Variants in CEP170 observed in about 807,000 individuals in gnomAD.
CEP170 encodes centrosomal protein 170.
A neutral mutation model predicts 151.9 loss-of-function variants in CEP170; 21 were observed. The ratio of observed to expected loss-of-function variants is 0.14; its 90% CI spans 0.10 to 0.20. CEP170 has a LOEUF of 0.20. Ranked by LOEUF, CEP170 falls within the 10% of genes least tolerant of loss-of-function variation. The pLI is 1.00. For missense variants in CEP170, 964 were observed against 1,892.9 expected (o/e 0.51, Z 9.11); for synonymous variants, 356 against 648.8 (o/e 0.55, Z 6.86).
chr1:243,191,677 C>T lies in CEP170; in HGVS notation c.632-183G>A, dbSNP rs534694613. Among the ~76,000 whole-genome samples, 132 of 152,080 alleles carry T rather than the reference C, an allele frequency of 8.7e-4. 1 individual carries two copies. The highest frequency in any genetic ancestry group is 2.9e-3 in the African/African-American group (122 of 41,470). On this transcript the variant is annotated intron_variant, in intron 7 of 19. Transcript: ENST00000366542. ...GAGAAGAAAGAATCTTGATTATAAA[C>T]ATGCGATTTGATTACCAATAGGGGA...
intron 1 of CEP170, among the ~76,000 whole-genome samples, chr1:243,231,901 C>T (rs2063795809): frequency 6.6e-6 from 1 of 152,068 alleles, no homozygotes; most frequent in Non-Finnish European, 1.5e-5. Flanking sequence ...CTAAAGCAAA[C>T]CCCCAAATTC....
chr1:243,176,468 C>A (rs2148653847), intron 10 of CEP170, among the ~76,000 whole-genome samples: 1 of 75,188 alleles, frequency 1.3e-5, no homozygotes, highest in East Asian at 4.2e-4. Flanking sequence ...CTACAGTTCC[C>A]CCGATCCGAG....
At chr1:243,160,125 A>G (rs1242825164) in intron 13 of CEP170, among the ~76,000 whole-genome samples, 1 of 152,156 alleles carries the variant, frequency 6.6e-6, no homozygotes, top group African/African-American at 2.4e-5. Flanking sequence ...TTTCTCATGT[A>G]ATGATAGTTT....
intron 14 of CEP170, among the ~76,000 whole-genome samples, chr1:243,149,174 C>T (rs1375738176): frequency 1.3e-5 from 2 of 152,058 alleles, no homozygotes; most frequent in Non-Finnish European, 2.9e-5. Flanking sequence ...AGATTCTAGT[C>T]TCGAAACTAG....
intron 1 of CEP170, among the ~76,000 whole-genome samples, chr1:243,243,385 A>G (rs2065046052): frequency 6.6e-6 from 1 of 152,136 alleles, no homozygotes; most frequent in Non-Finnish European, 1.5e-5. Flanking sequence ...TGAATAATTT[A>G]CTCCTGGATT....
At position 243,199,157 on chromosome 1, in the gene CEP170, C is replaced by T. The variant is rs372457424; in HGVS notation, c.534G>A (p.Gly178=). The T allele has an allele frequency of 4.2e-5, 67 of 1,611,534 alleles. No homozygotes were observed. The highest frequency in any genetic ancestry group is 1.4e-4 in the South Asian group (13 of 90,848). ...CATCATCCCCCCACCATGACGGCTGCCCATATAATGGAGTACCACGGGGCA... is the reference window on the plus strand; with the variant it reads ...CATCATCCCCCCACCATGACGGCTGTCCATATAATGGAGTACCACGGGGCA... ...SAMPRGTPLY[G]QPSWWGDDEV... Residue 178 remains glycine (G), a synonymous_variant, in exon 7 of 20, where the codon GGG becomes GGA. Transcript: ENST00000366542.
intron 10 of CEP170, among the ~76,000 whole-genome samples, chr1:243,182,106 T>C (rs150528795): frequency 0.052 from 7,836 of 152,008 alleles, 451 homozygotes; most frequent in East Asian, 0.19. Flanking sequence ...TGTGAGTTCT[T>C]GTTCTTATGG....
At chr1:243,143,859 A>C (rs2056168747) in intron 14 of CEP170, among the ~76,000 whole-genome samples, 1 of 152,212 alleles carries the variant, frequency 6.6e-6, no homozygotes, top group African/African-American at 2.4e-5. Context: ...TGCCTGGCTT[A>C]AAGTAACATT....
At chr1:243,180,930 A>G (rs2059582272) in intron 10 of CEP170, among the ~76,000 whole-genome samples, 3 of 152,234 alleles carry the variant, frequency 2.0e-5, no homozygotes. Flanking sequence ...TATTGACACA[A>G]TGAACAAGAA....
intron 10 of CEP170, among the ~76,000 whole-genome samples, chr1:243,174,623 GATTTA>G (rs2059099108): frequency 2.0e-5 from 3 of 152,080 alleles, no homozygotes; most frequent in African/African-American, 7.2e-5. Context: ...CAAGAATTAT[GATTTA>G]ATATTCTCTT....
intron 14 of CEP170, among the ~76,000 whole-genome samples, chr1:243,149,040 AG>A (rs1267284543): frequency 6.6e-6 from 1 of 152,220 alleles, no homozygotes; most frequent in African/African-American, 2.4e-5. Context: ...GTTTGAATAA[AG>A]TACATGGAGT....
At chr1:243,247,049 G>C (rs1191797149) in intron 1 of CEP170, among the ~76,000 whole-genome samples, 13 of 152,134 alleles carry the variant, frequency 8.5e-5, no homozygotes, top group Admixed American at 5.2e-4. Flanking sequence ...CCACCCTCCT[G>C]CTTCCTCAAA....
chr1:243,199,300 A>G (rs1255758336), intron 6 of CEP170, 106 bp from the exon 7 acceptor site: 1 of 1,222,678 alleles, frequency 8.2e-7, no homozygotes, highest in Non-Finnish European at 1.1e-6. Flanking sequence ...TAAAAAGCAA[A>G]GTATAGTCTT....
At chr1:243,243,994 C>CT (rs1295539429) in intron 1 of CEP170, among the ~76,000 whole-genome samples, 5 of 151,950 alleles carry the variant, frequency 3.3e-5, no homozygotes, top group East Asian at 1.9e-4. Context: ...TTTTAACTGT[C>CT]TTTTTTTTAA....
At chr1:243,245,907 C>T (rs1572659323) in intron 1 of CEP170, among the ~76,000 whole-genome samples, 1 of 151,686 alleles carries the variant, frequency 6.6e-6, no homozygotes, top group Non-Finnish European at 1.5e-5. Flanking sequence ...GAACACACCA[C>T]TCCACTCTAG....
At chr1:243,163,577 T>C (rs2058229208) in intron 13 of CEP170, among the ~76,000 whole-genome samples, 1 of 152,234 alleles carries the variant, frequency 6.6e-6, no homozygotes, top group Non-Finnish European at 1.5e-5. Context: ...TAGAGTTAAA[T>C]GATATAACAG....
intron 1 of CEP170, among the ~76,000 whole-genome samples, chr1:243,231,680 T>C (rs2063775073): frequency 6.6e-6 from 1 of 151,842 alleles, no homozygotes; most frequent in Admixed American, 6.6e-5. Flanking sequence ...ACTAAGAAAA[T>C]ACATTAAAAA....
intron 1 of CEP170, among the ~76,000 whole-genome samples, chr1:243,227,783 A>G (rs1033020245): frequency 6.6e-6 from 1 of 152,224 alleles, no homozygotes; most frequent in African/African-American, 2.4e-5. Flanking sequence ...GTCATTACGA[A>G]AAAGGTTTTG....
At chr1:243,135,994 A>T (rs1343796025) in intron 17 of CEP170, 149 bp downstream of exon 17, 1 of 1,166,938 alleles carries the variant, frequency 8.6e-7, no homozygotes. Flanking sequence ...ATAAATTTAA[A>T]GTTATAAAGT....
Sources: allele counts gnomAD v4.1 joint callset (sites outside exome capture counted in the v4.1 genomes callset), GRCh38; gene constraint gnomAD v4.1.1; transcripts MANE v1.5; gene names NCBI Gene and HGNC (gene_info 2026-07-23, HGNC 2026-07-21).